The following KLRG1 variants were observed in gnomAD, a reference collection of about 807,000 sequenced individuals.
The protein encoded by KLRG1 is killer cell lectin-like receptor subfamily G member 1.
Under a neutral mutation model 21.8 loss-of-function variants are expected in KLRG1, and 16 were observed. The observed-to-expected ratio is 0.73, with a 90% CI of 0.50 to 1.11. The LOEUF is 1.11. Among genes scored for constraint, KLRG1 ranks in the 50% most tolerant of loss-of-function variants. The probability of loss-of-function intolerance (pLI) is 0.00; values close to 1 mark genes in which losing one functional copy is unlikely to be tolerated. For missense variants in KLRG1, 173 were observed against 218.3 expected (o/e 0.79, Z 1.31); for synonymous variants, 69 against 75.9 (o/e 0.91, Z 0.47).
chr12:9,074,449 T>A, the KLRG1 span: 2 of 1,105,904 alleles, frequency 1.8e-6, no homozygotes, highest in Non-Finnish European at 1.3e-6. Context: ...CTTTTCCTCA[T>A]TTCAAGTTAC....
At chr12:9,049,498 ATAAAACT>A in the KLRG1 span, among the ~76,000 whole-genome samples, 8 of 152,202 alleles carry the variant, frequency 5.3e-5, no homozygotes, top group African/African-American at 1.9e-4. Flanking sequence ...TTCTAAGAAA[ATAAAACT>A]TAAAGCAAAA....
At chr12:9,134,308 A>C in the KLRG1 span, among the ~76,000 whole-genome samples, 1 of 152,168 alleles carries the variant, frequency 6.6e-6, no homozygotes, top group South Asian at 2.1e-4. Flanking sequence ...ACCTCTTCGT[A>C]AGAGAAAATC....
At chr12:9,082,449 A>G in the KLRG1 span, among the ~76,000 whole-genome samples, 23,856 of 152,196 alleles carry the variant, frequency 0.16, 2,007 homozygotes, top group African/African-American at 0.2. Context: ...CAAACATAAG[A>G]GCAAAGGCAG....
At chr12:9,058,238 T>A in the KLRG1 span, 41 of 152,210 alleles carry the variant, frequency 2.7e-4, no homozygotes, top group Middle Eastern at 3.2e-3. Flanking sequence ...ACCTTATTTA[T>A]CTATTATCTA....
At chr12:9,078,450 T>A in the KLRG1 span, among the ~76,000 whole-genome samples, 6 of 152,236 alleles carry the variant, frequency 3.9e-5, no homozygotes, top group African/African-American at 1.4e-4. Context: ...TTGATGAGCA[T>A]TTGGGTTAGT....
In KLRG1 at chr12:8,995,272, C is replaced by G. The variant is rs534772086; in HGVS notation, c.341C>G (p.Thr114Arg). 1.1e-4 allele frequency: 184 copies of G among 1,607,278 alleles called. 1 individual carries two copies. In the South Asian group the frequency reaches 1.9e-3, roughly 16 times the overall value. ...AGAGACTCACACCTCCTTGTGATAA[C>G]GGACAATCAGGAAATGGTAAATGCA... ...LARDSHLLVI[T>R]DNQEMSLLQV... Residue 114 changes from threonine to arginine, a missense_variant, in exon 3 of 5, where the codon ACG (threonine) becomes AGG (arginine). Physicochemically the swap from Thr to Arg is moderately conservative, Grantham distance 71. This residue lies in a region of KLRG1 where 144 missense variants were observed against 161.5 expected (regional missense o/e 0.89). Coordinates refer to ENST00000356986, the MANE Select transcript of KLRG1 (RefSeq NM_005810.4).
the KLRG1 span, among the ~76,000 whole-genome samples, chr12:9,212,874 G>A: frequency 6.6e-6 from 1 of 152,078 alleles, no homozygotes; most frequent in Non-Finnish European, 1.5e-5. Flanking sequence ...ATGGTGTTAT[G>A]TAATTATTAC....
At chr12:9,016,363 G>A in the KLRG1 span, among the ~76,000 whole-genome samples, 1 of 152,098 alleles carries the variant, frequency 6.6e-6, no homozygotes, top group African/African-American at 2.4e-5. Context: ...GATGATTAGA[G>A]GCTACTGCAA....
chr12:9,200,462 T>C, the KLRG1 span: 3 of 1,562,086 alleles, frequency 1.9e-6, no homozygotes, highest in African/African-American at 4.1e-5. Flanking sequence ...TTAATAGAGA[T>C]AATAGGAATA....
the KLRG1 span, chr12:9,202,594 G>C: frequency 4.3e-6 from 7 of 1,614,116 alleles, no homozygotes; most frequent in South Asian, 6.6e-5. Flanking sequence ...TTCAGTACCA[G>C]AACTGTGTTC....
At chr12:8,966,527 T>C (rs1171277065) in intron 1 of KLRG1, among the ~76,000 whole-genome samples, 2 of 152,054 alleles carry the variant, frequency 1.3e-5, no homozygotes, top group Admixed American at 6.6e-5. Context: ...GGGCAAAGGA[T>C]ATGAACAGAC....
the KLRG1 span, among the ~76,000 whole-genome samples, chr12:9,187,720 C>T: frequency 9.2e-5 from 14 of 152,206 alleles, no homozygotes; most frequent in African/African-American, 1.2e-4. Flanking sequence ...ACATCCACAT[C>T]GAAAAGTTAG....
At chr12:8,986,530 T>C (rs916000519), upstream of KLRG1, among the ~76,000 whole-genome samples, 4 of 152,218 alleles carry the variant, frequency 2.6e-5, no homozygotes, top group South Asian at 2.1e-4. Flanking sequence ...TATTGTTCCA[T>C]TGGGAGCTTT....
the KLRG1 span, chr12:9,067,039 A>G: frequency 6.6e-6 from 1 of 152,274 alleles, no homozygotes; most frequent in Non-Finnish European, 1.5e-5. Context: ...GTGAGACATC[A>G]GACATCAATC....
the KLRG1 span, chr12:9,169,606 G>T: frequency 2.5e-6 from 4 of 1,576,286 alleles, no homozygotes; most frequent in Non-Finnish European, 3.4e-6. Flanking sequence ...AGCAGTGGGG[G>T]GATCAAAGGC....
At chr12:9,200,988 GA>G in the KLRG1 span, 9 of 1,614,112 alleles carry the variant, frequency 5.6e-6, no homozygotes, top group South Asian at 9.9e-5. Flanking sequence ...GATGAGAGGG[GA>G]AAGGACAACT....
At chr12:9,001,544 C>A (rs767030877) in intron 3 of KLRG1, among the ~76,000 whole-genome samples, 4 of 152,202 alleles carry the variant, frequency 2.6e-5, no homozygotes, top group Non-Finnish European at 5.9e-5. Context: ...AGCCCTAAGT[C>A]AGATTCCTTA....
the KLRG1 span, among the ~76,000 whole-genome samples, chr12:9,108,825 G>A: frequency 1.3e-5 from 2 of 152,222 alleles, no homozygotes; most frequent in Non-Finnish European, 2.9e-5. Flanking sequence ...AGGTGGACTA[G>A]TGAGTTAGAT....
the KLRG1 span, among the ~76,000 whole-genome samples, chr12:9,193,176 GC>G: frequency 6.6e-6 from 1 of 152,072 alleles, no homozygotes; most frequent in Non-Finnish European, 1.5e-5. Flanking sequence ...TAGCATTTAT[GC>G]CTCTTATCAT....
Sources: gnomAD v4.1 joint callset for allele counts (sites outside exome capture counted in the v4.1 genomes callset) on GRCh38, gnomAD v4.1.1 for gene constraint, gnomAD v4.1.1 regional missense constraint, MANE v1.5 for transcripts, NCBI Gene and HGNC (gene_info 2026-07-23, HGNC 2026-07-21) for gene names.